The following TEP1 variants were observed in gnomAD, a reference collection of about 807,000 sequenced individuals.
TEP1 encodes the protein telomerase protein component 1.
TEP1 carries 241 observed loss-of-function variants against 306.3 expected under a neutral mutation model. That is an observed-to-expected ratio of 0.79 (90% CI 0.71 to 0.88). The LOEUF (loss-of-function observed/expected upper bound fraction) is 0.88. TEP1 is among the 40% of genes least tolerant of loss of function. The pLI, the probability that TEP1 is intolerant of heterozygous loss-of-function variation, is 0.00. For missense variants in TEP1, 3,051 were observed against 3,276.1 expected (o/e 0.93, Z 1.68); for synonymous variants, 1,289 against 1,305.5 (o/e 0.99, Z 0.27).
At chr14:20,405,353 C>T (rs1879091328) in intron 4 of TEP1, 98 bp downstream of exon 4, 1 of 1,332,560 alleles carries the variant, frequency 7.5e-7, no homozygotes, top group Non-Finnish European at 1.0e-6. Flanking sequence ...GCTCCTCCCA[C>T]CCCCAACATG....
chr14:20,381,238 G>T lies in TEP1; in HGVS notation c.4647+75C>A. The T allele has an allele frequency of 6.8e-7, 1 of 1,460,248 alleles. No individual in the cohort carries two copies. Among genetic ancestry groups the T allele is most frequent in the South Asian group, 1.1e-5 (1 of 87,958 alleles). 90.5% of individuals were successfully genotyped at this position (1,460,248 alleles called of 1,614,324 possible). A position where few individuals can be genotyped will look rare whatever the true frequency, so the allele number is the denominator to read the frequency against. ...AATGGCGGCGGTGATGGTGGAGATG[G>T]TAACGGGGAGAGGGGTCTCAGAGCA... On this transcript the variant is annotated intron_variant, in intron 32 of 54. Transcript: ENST00000262715. The surrounding 1 kb of genome is among the most constrained non-coding windows in gnomAD (Gnocchi z 4.0).
At chr14:20,409,866 C>CA (rs1347522316) in intron 1 of TEP1, among the ~76,000 whole-genome samples, 6 of 151,254 alleles carry the variant, frequency 4.0e-5, no homozygotes, top group Admixed American at 2.6e-4. Flanking sequence ...TAAAAAAATA[C>CA]AAAAAATTAG....
chr14:20,370,084 T>C (rs1219061090), intron 51 of TEP1, among the ~76,000 whole-genome samples: 1 of 152,186 alleles, frequency 6.6e-6, no homozygotes, highest in African/African-American at 2.4e-5. Context: ...CAGCTGATTT[T>C]TTTATTTTTA....
chr14:20,372,217 A>C (rs1372218669), intron 49 of TEP1, among the ~76,000 whole-genome samples: 1 of 152,030 alleles, frequency 6.6e-6, no homozygotes, highest in Admixed American at 6.6e-5. Flanking sequence ...CAACATCTCC[A>C]TATCTTCTGT....
chr14:20,396,716 G>A lies in TEP1; in HGVS notation c.1564C>T (p.Pro522Ser), dbSNP rs142708166. 431 of 1,607,224 alleles carry A rather than the reference G, an allele frequency of 2.7e-4. No individual in the cohort carries two copies. In the African/African-American group the frequency reaches 4.2e-3, roughly 16 times the overall value. The change falls in exon 10 of 55, where the codon CCC becomes TCC. Residue 522 changes from proline (P) to serine (S), a missense_variant. Around this residue, in one of 3 missense-constraint regions of TEP1, gnomAD observed 1,507 missense variants for 1,550.5 expected, o/e 0.97. Transcript: ENST00000262715. ...AGGTTCCGAAGCATGGCCATGAAGG[G>A]AAGCTTCCCATTTTCTGTGGAATGT... ...WEELIENGKL[P>S]FMAMLRNLCN...
chr14:20,384,062 T>A lies in TEP1; in HGVS notation c.3510A>T (p.Ser1170=). Residue 1170 remains serine (S), a synonymous_variant, in exon 24 of 55, where the codon TCA becomes TCT. Transcript: ENST00000262715. Reference sequence around the variant, plus strand: ...CCAGGAAGGCTGTCTTGCCCTGTCCTGACTGCCCCGTCACCAGGCTCAGCC... The same window carrying A: ...CCAGGAAGGCTGTCTTGCCCTGTCCAGACTGCCCCGTCACCAGGCTCAGCC... The part of the protein sequence containing the change: ...HGRLSLVTGQ[S]GQGKTAFLAS... 6.2e-7 allele frequency: 1 copy of A among 1,611,874 alleles called. No individual in the cohort carries two copies. The highest frequency in any genetic ancestry group is 1.1e-5 in the South Asian group (1 of 90,728).
chr14:20,389,482 A>C (rs1470725759), intron 16 of TEP1, 128 bp downstream of exon 16: 31 of 1,496,370 alleles, frequency 2.1e-5, no homozygotes, highest in Non-Finnish European at 2.8e-5. Context: ...CCTGAAGTGC[A>C]ACAGAGGTAA....
intron 13 of TEP1, 131 bp downstream of exon 13, chr14:20,391,468 A>G: frequency 8.9e-7 from 1 of 1,122,726 alleles, no homozygotes; most frequent in South Asian, 1.5e-5. Context: ...TGATACTTGG[A>G]AGCAAATTCA....
rs539909441 is a variant in TEP1 at position 20,401,134 on chromosome 14, A to G, written c.1399T>C (p.Ser467Pro). The change falls in exon 9 of 55, where the codon TCC becomes CCC. Residue 467 changes from serine to proline, a missense_variant. Ser to Pro is a moderately conservative substitution (Grantham distance 74). Transcript: ENST00000262715. Reference protein sequence around the residue: ...VQALLGYRYPSNLQLFSRSRL... With the variant: ...VQALLGYRYPPNLQLFSRSRL... ...CTTCGAGAAAAGAGCTGTAGGTTGGAGGGGTATCTGAGGATAGGTAAGAAA... is the reference window on the plus strand; with the variant it reads ...CTTCGAGAAAAGAGCTGTAGGTTGGGGGGGTATCTGAGGATAGGTAAGAAA... 7 of 1,614,136 alleles carry G rather than the reference A, an allele frequency of 4.3e-6. No homozygotes were observed. The South Asian group carries it at 7.7e-5, about 18-fold the overall frequency.
At chr14:20,393,436 T>C (rs1310900034) in intron 12 of TEP1, among the ~76,000 whole-genome samples, 2 of 152,380 alleles carry the variant, frequency 1.3e-5, no homozygotes, top group East Asian at 1.9e-4. Flanking sequence ...TATACACATA[T>C]AATTTTCTAA....
chr14:20,396,625 T>G lies in TEP1; in HGVS notation c.1655A>C (p.His552Pro). ...HHELILQRLQ[H>P]AKSVIHSRQF... ...CTACCAGCCCCTCACACATACCGCA[T>G]GCTGGAGTCTCTGGAGAATGAGCTC... Residue 552 changes from histidine (H) to proline (P), a missense_variant, in exon 10 of 55, where the codon CAT becomes CCT. This residue lies in a region of TEP1 where 1,507 missense variants were observed against 1,550.5 expected (regional missense o/e 0.97). Coordinates refer to ENST00000262715, the MANE Select transcript of TEP1 (RefSeq NM_007110.5). The G allele has an allele frequency of 1.9e-6, 3 of 1,607,580 alleles. No homozygotes were observed. The highest frequency in any genetic ancestry group is 2.6e-6 in the Non-Finnish European group (3 of 1,174,606).
intron 22 of TEP1, 41 bp from the exon 23 acceptor site, chr14:20,384,549 G>C (rs890390731): frequency 1.2e-6 from 2 of 1,613,278 alleles, no homozygotes; most frequent in Non-Finnish European, 1.7e-6. Context: ...AGCAGGCCCG[G>C]CTCCTCTCAC....
Position 20,381,555 on chromosome 14 carries a change from G to A in TEP1, c.4556C>T (p.Ala1519Val), listed in dbSNP as rs1267816953. ...AGGCTGACTTGGGCTGCAATCACCT[G>A]CAATGAGGATGTGTGCCGTGTCCTC... ...GLEDTAHILI[A>V]AQLWKTCDAD... is the part of the protein sequence containing the mutation. The change falls in exon 31 of 55, where the codon GCA (alanine) becomes GTA (valine). Residue 1519 changes from alanine (A) to valine (V), a missense_variant and splice_region_variant. Ala to Val is a moderately conservative substitution (Grantham distance 64). Coordinates refer to ENST00000262715, the MANE Select transcript of TEP1 (RefSeq NM_007110.5). This position sits in a 1 kb window ranked among gnomAD's most constrained non-coding sequence, Gnocchi z 4.0. 1.2e-6 allele frequency: 2 copies of A among 1,613,572 alleles called. No homozygotes were observed. The highest frequency in any genetic ancestry group is 8.5e-7 in the Non-Finnish European group (1 of 1,180,032).
chr14:20,395,436 C>G lies in TEP1; in HGVS notation c.1928+14G>C, dbSNP rs201760641. 6 of 1,561,254 alleles carry G rather than the reference C, an allele frequency of 3.8e-6. No individual in the cohort carries two copies. The East Asian group carries it at 1.4e-4, about 36-fold the overall frequency. ...CGATTGCCCACCCTTGGCTCCCAGA[C>G]AGTGCATACATACCTGGCCTTGTGT... On this transcript the variant is annotated intron_variant, in intron 12 of 54. Transcript: ENST00000262715.
At chr14:20,402,975 G>A (rs1566480526) in intron 7 of TEP1, among the ~76,000 whole-genome samples, 1 of 152,026 alleles carries the variant, frequency 6.6e-6, no homozygotes, top group East Asian at 1.9e-4. Context: ...TGGCCAACAT[G>A]GTGAAACCCC....
Position 20,368,823 on chromosome 14 carries a change from A to G in TEP1, c.7736T>C (p.Leu2579Pro), listed in dbSNP as rs1035771805. Residue 2579 changes from leucine (L) to proline (P), a missense_variant, in exon 54 of 55, where the codon CTA becomes CCA. Physicochemically the swap from Leu to Pro is moderately conservative, Grantham distance 98. Transcript: ENST00000262715. ...VTASKDRDVK[L>P]WERPSMQLLG... ...CAGCTGCATACTGGGTCTCTCCCAT[A>G]GCTTAACATCTCTGTCCTTCGAAGC... 6.2e-7 allele frequency: 1 copy of G among 1,613,286 alleles called. No individual in the cohort carries two copies. Among genetic ancestry groups the G allele is most frequent in the East Asian group, 2.2e-5 (1 of 44,830 alleles).
intron 1 of TEP1, among the ~76,000 whole-genome samples, chr14:20,412,686 T>C (rs1464270472): frequency 2.7e-5 from 4 of 147,162 alleles, no homozygotes; most frequent in African/African-American, 1.0e-4. Flanking sequence ...TTTCCTTTTT[T>C]TTTTTTTTTT....
At position 20,384,400 on chromosome 14, in the gene TEP1, G is replaced by A. The variant is rs376558769; in HGVS notation, c.3330C>T (p.Leu1110=). 1.2e-6 allele frequency: 2 copies of A among 1,614,022 alleles called. No individual in the cohort carries two copies. Among genetic ancestry groups the A allele is most frequent in the Non-Finnish European group, 1.7e-6 (2 of 1,180,032 alleles). The change falls in exon 23 of 55, where the codon CTC becomes CTT. Residue 1110 remains leucine (L), a synonymous_variant. Transcript: ENST00000262715. ...CAGTGCTTCTGCTGACCTGCAGGTA[G>A]AGCTTCTGGATCATATTCCATACAT... ...LQDVWNMIQK[L]YLQPGALLEQ...
rs1885242972 is a variant in TEP1 at position 20,377,409 on chromosome 14, C to T, written c.5959G>A (p.Ala1987Thr). Reference sequence around the variant, plus strand: ...CAGCCCTGCAAGGACCCATCTTCTGCACCACTCACCAATACCTTGGGGCTT... The same window carrying T: ...CAGCCCTGCAAGGACCCATCTTCTGTACCACTCACCAATACCTTGGGGCTT... ...WLSPKVLVSGAEDGSLQGWAL... is the reference protein window; with the variant it reads ...WLSPKVLVSGTEDGSLQGWAL... Residue 1987 changes from alanine to threonine, a missense_variant, in exon 41 of 55, where the codon GCA (alanine) becomes ACA (threonine). Coordinates refer to ENST00000262715, the MANE Select transcript of TEP1 (RefSeq NM_007110.5). 6.2e-7 allele frequency: 1 copy of T among 1,614,126 alleles called. No individual in the cohort carries two copies. Among genetic ancestry groups the T allele is most frequent in the Non-Finnish European group, 8.5e-7 (1 of 1,180,026 alleles).
Sources: gnomAD v4.1 joint callset for allele counts (sites outside exome capture counted in the v4.1 genomes callset) on GRCh38, gnomAD v4.1.1 for gene constraint, gnomAD v4.1.1 regional missense constraint, Gnocchi (gnomAD v3.1) non-coding constraint, MANE v1.5 for transcripts, NCBI Gene and HGNC (gene_info 2026-07-23, HGNC 2026-07-21) for gene names.